The following POLN variants were observed in gnomAD, a reference collection of about 807,000 sequenced individuals.
The protein encoded by POLN is DNA polymerase N.
POLN carries 108 observed loss-of-function variants against 113.5 expected under a neutral mutation model. That is an observed-to-expected ratio of 0.95 (90% CI 0.81 to 1.12). The LOEUF is 1.12. Ranked by LOEUF, POLN falls within the 50% of genes most tolerant of loss-of-function variation. The pLI, the probability that POLN is intolerant of heterozygous loss-of-function variation, is 0.00. For missense variants in POLN, 1,097 were observed against 1,077.1 expected (o/e 1.02, Z -0.26); for synonymous variants, 386 against 391.5 (o/e 0.99, Z 0.17).
intron 17 of POLN, among the ~76,000 whole-genome samples, chr4:2,130,625 T>C (rs1731704396): frequency 6.6e-6 from 1 of 152,226 alleles, no homozygotes; most frequent in Non-Finnish European, 1.5e-5. Context: ...GTTCAAACTT[T>C]AATAAGCACC....
At chr4:2,170,536 G>C in intron 13 of POLN, 143 bp downstream of exon 13, 1 of 647,448 alleles carries the variant, frequency 1.5e-6, no homozygotes, top group South Asian at 2.1e-5. Flanking sequence ...AGCAACCTTG[G>C]TGTGGGGAGC....
At chr4:2,228,809 C>G (rs1420102295) in intron 3 of POLN, 2 of 287,162 alleles carry the variant, frequency 7.0e-6, no homozygotes, top group African/African-American at 4.4e-5. Context: ...GACCTGAGAA[C>G]CAAGATTAAA....
intron 16 of POLN, 85 bp downstream of exon 16, chr4:2,156,703 C>T (rs1732442114): frequency 2.8e-6 from 3 of 1,062,828 alleles, no homozygotes; most frequent in Admixed American, 1.7e-5. Context: ...ACAGAAAGTG[C>T]ACAGGCAAAC....
chr4:2,118,313 C>T (rs371995556), intron 19 of POLN, among the ~76,000 whole-genome samples: 22 of 152,200 alleles, frequency 1.4e-4, no homozygotes, highest in East Asian at 5.8e-4. Context: ...TGCTCACAGG[C>T]CTTTTCAGAT....
chr4:2,128,190 T>A lies in POLN; in HGVS notation c.1905A>T (p.Leu635Phe). 1 of 1,612,260 alleles carries A rather than the reference T, an allele frequency of 6.2e-7. No homozygotes were observed. Among genetic ancestry groups the A allele is most frequent in the Non-Finnish European group, 8.5e-7 (1 of 1,178,388 alleles). Residue 635 changes from leucine (L) to phenylalanine (F), a missense_variant, in exon 19 of 26, where the codon TTA becomes TTT. Leu to Phe is a conservative substitution (Grantham distance 22, BLOSUM62 0). Transcript: ENST00000511885. The part of the protein sequence containing the change: ...SQIELRILTH[L>F]SGDPELLKLF... ...ACTTCAGAAGTTCCGGATCTCCAGA[T>A]AAATGTGTAAGAATGCGCAATTCAA...
At chr4:2,143,529 T>C (rs1354677688) in intron 16 of POLN, among the ~76,000 whole-genome samples, 3 of 152,200 alleles carry the variant, frequency 2.0e-5, no homozygotes, top group East Asian at 1.9e-4. Context: ...TGTATAACTA[T>C]TAAGGAACTT....
intron 16 of POLN, among the ~76,000 whole-genome samples, chr4:2,152,733 A>C (rs1375105367): frequency 6.6e-6 from 1 of 152,156 alleles, no homozygotes; most frequent in African/African-American, 2.4e-5. Context: ...TCTATCAGAA[A>C]ACAGAGGTGA....
At chr4:2,098,629 G>A (rs1164179211) in intron 19 of POLN, among the ~76,000 whole-genome samples, 1 of 152,190 alleles carries the variant, frequency 6.6e-6, no homozygotes, top group East Asian at 1.9e-4. Context: ...TGATGCACAT[G>A]GTTACATAGA....
At chr4:2,121,694 A>G (rs1458120826) in intron 19 of POLN, among the ~76,000 whole-genome samples, 1 of 151,550 alleles carries the variant, frequency 6.6e-6, no homozygotes, top group Non-Finnish European at 1.5e-5. Context: ...TATATCTCCT[A>G]TTTCATTCCT....
At chr4:2,236,571 A>G (rs1577798761) in intron 2 of POLN, 2 of 722,456 alleles carry the variant, frequency 2.8e-6, no homozygotes, top group East Asian at 2.7e-5. Context: ...AACTTATAAA[A>G]ATATTGGCCG....
rs1312103101 is a variant in POLN at position 2,093,090 on chromosome 4, C to A, written c.2065+2761G>T. Reference sequence around the variant, plus strand: ...TTATTTACAAAATGTAGCTCTTTTCCTCTCCAGAAAAAAAAAAAAAGTGAA... The same window carrying A: ...TTATTTACAAAATGTAGCTCTTTTCATCTCCAGAAAAAAAAAAAAAGTGAA... On this transcript the variant is annotated intron_variant, in intron 20 of 25. Transcript: ENST00000511885. The surrounding 1 kb of genome is among the most constrained non-coding windows in gnomAD (Gnocchi z 4.1). 6.6e-6 allele frequency among the ~76,000 whole-genome samples: 1 copy of A among 151,276 alleles called. No homozygotes were observed. The highest frequency in any genetic ancestry group is 1.5e-5 in the Non-Finnish European group (1 of 67,986).
chr4:2,073,754 C>A (rs1730208998), intron 24 of POLN, among the ~76,000 whole-genome samples: 1 of 152,256 alleles, frequency 6.6e-6, no homozygotes, highest in South Asian at 2.1e-4. Flanking sequence ...CGGCAGGAGC[C>A]CCAAGCCGTG....
At chr4:2,077,828 C>T (rs1730311456) in intron 23 of POLN, among the ~76,000 whole-genome samples, 1 of 152,152 alleles carries the variant, frequency 6.6e-6, no homozygotes, top group Non-Finnish European at 1.5e-5. Flanking sequence ...GGAAATGGGG[C>T]ACAGGTGAAA....
In POLN at chr4:2,188,605, A is replaced by C. The variant is rs1029600692; in HGVS notation, c.1021+4599T>G. On this transcript the variant is annotated intron_variant, in intron 7 of 25. Transcript: ENST00000511885. ...AACAGAAGGAGACTCCATCTCAAAA[A>C]AAACAAAAAACAAAAAAACAAAACA... 5.1e-5 allele frequency among the ~76,000 whole-genome samples: 7 copies of C among 136,168 alleles called. No individual in the cohort carries two copies. In the East Asian group the frequency reaches 9.1e-4, roughly 18 times the overall value. 89.3% of individuals were successfully genotyped at this position (136,168 alleles called of 152,430 possible).
At chr4:2,228,348 C>CTTT (rs531222767) in intron 3 of POLN, 413 of 187,964 alleles carry the variant, frequency 2.2e-3, no homozygotes, top group South Asian at 7.4e-3. Context: ...ACTGCTTTCA[C>CTTT]TTTTTTTTTT....
At chr4:2,111,438 G>A (rs1731191446) in intron 19 of POLN, among the ~76,000 whole-genome samples, 1 of 152,130 alleles carries the variant, frequency 6.6e-6, no homozygotes, top group Admixed American at 6.6e-5. Context: ...TAGGAAAAGA[G>A]GAAGTCAAAT....
chr4:2,140,869 TC>T (rs1184000821), intron 16 of POLN: 5 of 152,166 alleles, frequency 3.3e-5, no homozygotes, highest in Admixed American at 3.3e-4. Flanking sequence ...ACCACCCCCC[TC>T]CTTTAAGCCA....
At chr4:2,153,478 T>C (rs1577725967) in intron 16 of POLN, among the ~76,000 whole-genome samples, 2 of 152,316 alleles carry the variant, frequency 1.3e-5, no homozygotes, top group South Asian at 4.1e-4. Context: ...GTTACCAAAA[T>C]GTTAAAGATG....
At position 2,129,256 on chromosome 4, in the gene POLN, C is replaced by A. The variant is rs763286770; in HGVS notation, c.1790G>T (p.Gly597Val). 5 of 1,578,794 alleles carry A rather than the reference C, an allele frequency of 3.2e-6. No homozygotes were observed. The South Asian group carries it at 5.5e-5, about 17-fold the overall frequency. ...GATCGTGAGAATCTTGTCTTCTTTA[C>A]CTGAATTGTTATTTCAAGAGCATTT... The part of the protein sequence containing the change: ...IQITTPKNFK[G>V]KEDKILTISP... Residue 597 changes from glycine to valine, a missense_variant and splice_region_variant, in exon 18 of 26, where the codon GGT (glycine) becomes GTT (valine). Physicochemically the swap from Gly to Val is moderately radical, Grantham distance 109. Transcript: ENST00000511885.
Sources: allele counts gnomAD v4.1 joint callset (sites outside exome capture counted in the v4.1 genomes callset), GRCh38; gene constraint gnomAD v4.1.1; non-coding constraint Gnocchi (gnomAD v3.1); transcripts MANE v1.5; gene names NCBI Gene and HGNC (gene_info 2026-07-23, HGNC 2026-07-21).